The following SNX9 variants were observed in gnomAD, a reference collection of about 807,000 sequenced individuals.
The protein encoded by SNX9 is sorting nexin-9.
A neutral mutation model predicts 89.4 loss-of-function variants in SNX9; 44 were observed. That is an observed-to-expected ratio of 0.49 (90% confidence interval 0.39 to 0.63). The LOEUF is 0.63. SNX9 is among the 30% of genes least tolerant of loss of function. The pLI is 0.00. For missense variants in SNX9, 578 were observed against 736.1 expected (o/e 0.79, Z 2.49); for synonymous variants, 236 against 247.8 (o/e 0.95, Z 0.45).
chr6:157,859,625 G>A (rs1782078714), intron 1 of SNX9, among the ~76,000 whole-genome samples: 1 of 152,166 alleles, frequency 6.6e-6, no homozygotes, highest in Admixed American at 6.5e-5. Context: ...AGTTTAAATA[G>A]TACAACCCCA....
chr6:157,861,181 A>G (rs1283656610), intron 1 of SNX9, among the ~76,000 whole-genome samples: 1 of 152,214 alleles, frequency 6.6e-6, no homozygotes, highest in Non-Finnish European at 1.5e-5. Context: ...TCTGTTTGGA[A>G]AAGATCTTTT....
chr6:157,936,063 C>G (rs1459782322), intron 14 of SNX9, 23 bp downstream of exon 14: 1 of 1,587,678 alleles, frequency 6.3e-7, no homozygotes, highest in Non-Finnish European at 8.6e-7. Context: ...TCACACAATT[C>G]CAATTAAGAT....
At chr6:157,879,032 G>A (rs912397906) in intron 4 of SNX9, among the ~76,000 whole-genome samples, 1 of 152,204 alleles carries the variant, frequency 6.6e-6, no homozygotes, top group South Asian at 2.1e-4. Flanking sequence ...GTGTCATACA[G>A]GTGTGGTCAG....
intron 1 of SNX9, among the ~76,000 whole-genome samples, chr6:157,826,969 T>TA (rs1781373860): frequency 7.0e-5 from 5 of 71,306 alleles, no homozygotes; most frequent in African/African-American, 3.5e-4. Flanking sequence ...ATATAATATA[T>TA]ACATATATAT....
At chr6:157,886,459 ATCCCATTT>A (rs1782737859) in intron 4 of SNX9, among the ~76,000 whole-genome samples, 1 of 152,274 alleles carries the variant, frequency 6.6e-6, no homozygotes, top group Admixed American at 6.5e-5. Context: ...AAAGAAAAGT[ATCCCATTT>A]CCACAATCAC....
chr6:157,896,989 C>T lies in SNX9; in HGVS notation c.463C>T (p.Gln155Ter). The change falls in exon 5 of 18, where the codon CAA becomes TAA. Residue 155 changes from glutamine (Q) to a stop codon, truncating the protein, a stop_gained. Transcript: ENST00000392185. LOFTEE classifies it high-confidence loss of function. ...TGCCTTCGGCCACCCCCAGGCCTAC[C>T]AAGGACCAGGTGAGGAGAGGGGTGC... ...DTAFGHPQAY[Q>*]GPATGDDDDW... 2 of 1,598,104 alleles carry T rather than the reference C, an allele frequency of 1.3e-6. No homozygotes were observed. Among genetic ancestry groups the T allele is most frequent in the Non-Finnish European group, 1.7e-6 (2 of 1,174,936 alleles).
At chr6:157,853,357 C>T (rs1321723793) in intron 1 of SNX9, among the ~76,000 whole-genome samples, 1 of 152,022 alleles carries the variant, frequency 6.6e-6, no homozygotes, top group Non-Finnish European at 1.5e-5. Flanking sequence ...TCTCCTTTCT[C>T]TGATTTTAAG....
chr6:157,939,426 TAAA>T (rs3840369), intron 16 of SNX9, among the ~76,000 whole-genome samples: 1 of 151,152 alleles, frequency 6.6e-6, no homozygotes, highest in Non-Finnish European at 1.5e-5. Flanking sequence ...TAAAAGGGAG[TAAA>T]AAAAAATCAA....
intron 9 of SNX9, among the ~76,000 whole-genome samples, chr6:157,918,357 C>T (rs1783516844): frequency 6.6e-6 from 1 of 151,950 alleles, no homozygotes; most frequent in Admixed American, 6.6e-5. Context: ...TGAGGTGTCC[C>T]CCATTGTCTC....
Position 157,928,648 on chromosome 6 carries a change from G to A in SNX9, c.1234G>A (p.Gly412Ser), listed in dbSNP as rs533381984. 63 of 1,610,834 alleles carry A rather than the reference G, an allele frequency of 3.9e-5. 1 individual carries two copies. Among genetic ancestry groups the A allele is most frequent in the South Asian group, 3.1e-4 (28 of 90,504 alleles). ...VGKFTKAMDD[G>S]VKELLTVGQE... The stretch of plus-strand genomic sequence containing the variant: ...GAAGTTCACCAAGGCCATGGATGAC[G>A]GCGTGAAGGAGCTGCTGACGGTGGG... Residue 412 changes from glycine to serine, a missense_variant, in exon 12 of 18, where the codon GGC (glycine) becomes AGC (serine). Around this residue, in one of 2 missense-constraint regions of SNX9, gnomAD observed 348 missense variants for 491.4 expected, o/e 0.71. Coordinates refer to ENST00000392185, the MANE Select transcript of SNX9 (RefSeq NM_016224.5).
intron 4 of SNX9, among the ~76,000 whole-genome samples, chr6:157,882,521 A>G (rs1583215282): frequency 6.6e-6 from 1 of 152,354 alleles, no homozygotes; most frequent in African/African-American, 2.4e-5. Flanking sequence ...GGATCTGGGC[A>G]AAGTACATCG....
intron 1 of SNX9, among the ~76,000 whole-genome samples, chr6:157,835,657 G>A (rs1001268627): frequency 2.0e-5 from 3 of 151,992 alleles, no homozygotes; most frequent in African/African-American, 7.2e-5. Context: ...TCACGGGGTC[G>A]ATTTCCCCCA....
At chr6:157,893,519 GTGTC>G (rs113626572) in intron 4 of SNX9, among the ~76,000 whole-genome samples, 30,113 of 151,972 alleles carry the variant, frequency 0.2, 3,335 homozygotes, top group African/African-American at 0.28. Flanking sequence ...AGCCACTAGG[GTGTC>G]TGTCCTACAA....
intron 4 of SNX9, among the ~76,000 whole-genome samples, chr6:157,881,779 A>G (rs1782628070): frequency 6.6e-6 from 1 of 152,214 alleles, no homozygotes; most frequent in African/African-American, 2.4e-5. Flanking sequence ...AATTCTGTGA[A>G]GGCTGAGAGA....
intron 2 of SNX9, among the ~76,000 whole-genome samples, chr6:157,870,493 CCTG>C (rs1217485391): frequency 6.6e-6 from 1 of 150,988 alleles, no homozygotes; most frequent in South Asian, 2.1e-4. Flanking sequence ...GATAGTCTCA[CCTG>C]CTCTCACACA....
chr6:157,908,564 C>T (rs1457948240), intron 7 of SNX9, among the ~76,000 whole-genome samples: 1 of 152,186 alleles, frequency 6.6e-6, no homozygotes, highest in Non-Finnish European at 1.5e-5. Context: ...CAACTTGAGA[C>T]TATTGGTGAC....
intron 1 of SNX9, among the ~76,000 whole-genome samples, chr6:157,825,992 G>A (rs1770301048): frequency 6.6e-6 from 1 of 152,108 alleles, no homozygotes; most frequent in Non-Finnish European, 1.5e-5. Flanking sequence ...TCAGTATCTG[G>A]ATATTTTAAG....
chr6:157,831,691 T>C (rs1583188429), intron 1 of SNX9, among the ~76,000 whole-genome samples: 1 of 152,334 alleles, frequency 6.6e-6, no homozygotes, highest in Admixed American at 6.5e-5. Context: ...TTCACTTCCT[T>C]TGTGGCCTCT....
At chr6:157,826,944 A>AATATATTATAGTTTATATAATATATACAT (rs1554290590) in intron 1 of SNX9, among the ~76,000 whole-genome samples, 26 of 58,216 alleles carry the variant, frequency 4.5e-4, no homozygotes, top group Non-Finnish European at 5.4e-4. Flanking sequence ...TAATATATAA[A>AATATATTATAGTTTATATAATATATACAT]ATATATTATA....
Sources: gnomAD v4.1 joint callset for allele counts (sites outside exome capture counted in the v4.1 genomes callset) on GRCh38, gnomAD v4.1.1 for gene constraint, gnomAD v4.1.1 regional missense constraint, MANE v1.5 for transcripts, NCBI Gene and HGNC (gene_info 2026-07-23, HGNC 2026-07-21) for gene names.